Variants in PTPRD observed in about 807,000 individuals in gnomAD.
PTPRD encodes the protein protein tyrosine phosphatase receptor type D, also known as receptor-type tyrosine-protein phosphatase delta.
In PTPRD, 34 loss-of-function variants were observed where a neutral mutation model predicts 214.5. The ratio of observed to expected loss-of-function variants is 0.16; its 90% confidence interval spans 0.12 to 0.21. The LOEUF (loss-of-function observed/expected upper bound fraction) is 0.21. PTPRD is among the 10% of genes least tolerant of loss of function. PTPRD has a pLI of 1.00. For missense variants in PTPRD, 2,545 were observed against 2,398.7 expected (o/e 1.06, Z -1.27); for synonymous variants, 1,128 against 845.7 (o/e 1.33, Z -5.79).
At chr9:9,927,610 G>A (rs2084796532) in intron 5 of PTPRD, among the ~76,000 whole-genome samples, 1 of 152,108 alleles carries the variant, frequency 6.6e-6, no homozygotes, top group African/African-American at 2.4e-5. Context: ...AGGAATGCGT[G>A]TGTGTACATA....
At chr9:10,195,376 A>T (rs1398702250) in intron 3 of PTPRD, among the ~76,000 whole-genome samples, 6 of 151,988 alleles carry the variant, frequency 3.9e-5, no homozygotes, top group Non-Finnish European at 7.4e-5. Context: ...CCAATTTTAG[A>T]TGGTTAAATG....
intron 3 of PTPRD, among the ~76,000 whole-genome samples, chr9:10,054,666 A>T (rs1301966941): frequency 6.6e-6 from 1 of 152,112 alleles, no homozygotes; most frequent in Non-Finnish European, 1.5e-5. Context: ...TAGGAGTCTA[A>T]CTTCAATATG....
At chr9:9,742,458 A>G (rs1443312503) in intron 6 of PTPRD, among the ~76,000 whole-genome samples, 1 of 152,168 alleles carries the variant, frequency 6.6e-6, no homozygotes, top group Non-Finnish European at 1.5e-5. Flanking sequence ...TAGAAATATA[A>G]TTGTAATTGA....
At chr9:8,817,792 G>T (rs972022981) in intron 11 of PTPRD, among the ~76,000 whole-genome samples, 1 of 152,164 alleles carries the variant, frequency 6.6e-6, no homozygotes, top group East Asian at 1.9e-4. Flanking sequence ...TTTCAAGTAG[G>T]TTTCTTCTTC....
At chr9:9,835,616 C>T (rs2056526680) in intron 5 of PTPRD, among the ~76,000 whole-genome samples, 1 of 152,088 alleles carries the variant, frequency 6.6e-6, no homozygotes, top group African/African-American at 2.4e-5. Context: ...AGCTCTTGGC[C>T]TGCACTGGAA....
chr9:8,431,978 C>T (rs937962824), intron 35 of PTPRD, among the ~76,000 whole-genome samples: 6 of 152,076 alleles, frequency 3.9e-5, no homozygotes, highest in African/African-American at 1.4e-4. Context: ...TTGGTTGGTA[C>T]GCTATTAATT....
intron 2 of PTPRD, among the ~76,000 whole-genome samples, chr9:10,558,864 A>G (rs2063207299): frequency 6.6e-6 from 1 of 152,202 alleles, no homozygotes; most frequent in South Asian, 2.1e-4. Context: ...AATAACCACC[A>G]GAAAAACAAC....
intron 11 of PTPRD, among the ~76,000 whole-genome samples, chr9:8,935,367 C>G (rs9299082): frequency 0.93 from 142,063 of 152,278 alleles, 66,469 homozygotes; most frequent in East Asian, 1. Context: ...CAAGAACAAA[C>G]AAACAAACAA....
At chr9:10,116,845 G>T (rs1012714934) in intron 3 of PTPRD, among the ~76,000 whole-genome samples, 5 of 151,940 alleles carry the variant, frequency 3.3e-5, no homozygotes, top group Non-Finnish European at 7.4e-5. Flanking sequence ...CCCCAACTGG[G>T]AGCCTTTGCA....
At chr9:9,245,783 T>A (rs960440588) in intron 9 of PTPRD, among the ~76,000 whole-genome samples, 1 of 152,202 alleles carries the variant, frequency 6.6e-6, no homozygotes, top group South Asian at 2.1e-4. Flanking sequence ...TAAAAATAAA[T>A]ATATACAATG....
intron 3 of PTPRD, among the ~76,000 whole-genome samples, chr9:10,218,038 T>A (rs2099549727): frequency 6.6e-6 from 1 of 151,898 alleles, no homozygotes; most frequent in African/African-American, 2.4e-5. Context: ...TAATATAACA[T>A]AAATTTAGTG....
intron 39 of PTPRD, among the ~76,000 whole-genome samples, chr9:8,367,510 G>C (rs147513332): frequency 1.3e-5 from 2 of 152,286 alleles, no homozygotes; most frequent in East Asian, 1.9e-4. Flanking sequence ...TGTCCAAACT[G>C]CTGAGGTTAA....
intron 8 of PTPRD, among the ~76,000 whole-genome samples, chr9:9,475,883 G>A (rs2094993038): frequency 6.6e-6 from 1 of 152,054 alleles, no homozygotes; most frequent in African/African-American, 2.4e-5. Context: ...ATAGGCTTTG[G>A]CCTATGTTAT....
chr9:9,242,905 G>A lies in PTPRD; in HGVS notation c.-202-59542C>T, dbSNP rs865930936. On this transcript the variant is annotated intron_variant, in intron 9 of 45. Transcript: ENST00000381196. ...TGAGGAGCTGCGTTCCTTTGGAGGAGAAGAGTTGCTCTTATTTTTAGAACT... is the reference window on the plus strand; with the variant it reads ...TGAGGAGCTGCGTTCCTTTGGAGGAAAAGAGTTGCTCTTATTTTTAGAACT... Among the ~76,000 whole-genome samples the A allele has an allele frequency of 2.0e-4, 31 of 151,986 alleles. 1 individual carries two copies. Among genetic ancestry groups the A allele is most frequent in the Middle Eastern group, 3.4e-3 (1 of 294 alleles).
chr9:8,704,200 C>T (rs994700403), intron 12 of PTPRD, among the ~76,000 whole-genome samples: 1 of 152,116 alleles, frequency 6.6e-6, no homozygotes, highest in African/African-American at 2.4e-5. Flanking sequence ...TCACACTCCA[C>T]ACCAGAGCCA....
intron 12 of PTPRD, among the ~76,000 whole-genome samples, chr9:8,725,841 A>T (rs531729232): frequency 6.6e-6 from 1 of 152,294 alleles, no homozygotes; most frequent in Non-Finnish European, 1.5e-5. Context: ...TCCAGGGTCC[A>T]CATTCTTTAT....
At chr9:9,899,299 A>T (rs987743773) in intron 5 of PTPRD, among the ~76,000 whole-genome samples, 1 of 152,052 alleles carries the variant, frequency 6.6e-6, no homozygotes, top group African/African-American at 2.4e-5. Flanking sequence ...GTACTTCTGA[A>T]CCGTGCATCT....
intron 7 of PTPRD, among the ~76,000 whole-genome samples, chr9:9,646,940 C>A (rs1369597193): frequency 6.6e-6 from 1 of 152,088 alleles, no homozygotes; most frequent in Admixed American, 6.5e-5. Context: ...GAAAGCAAAA[C>A]TGTGGATAAG....
At chr9:8,349,004 T>C (rs528197420) in intron 39 of PTPRD, among the ~76,000 whole-genome samples, 2 of 151,834 alleles carry the variant, frequency 1.3e-5, no homozygotes, top group African/African-American at 4.8e-5. Flanking sequence ...GCAATTTCCA[T>C]GCCAGGGAAA....
Sources: gnomAD v4.1 joint callset for allele counts (sites outside exome capture counted in the v4.1 genomes callset) on GRCh38, gnomAD v4.1.1 for gene constraint, MANE v1.5 for transcripts, NCBI Gene and HGNC (gene_info 2026-07-23, HGNC 2026-07-21) for gene names.